PIGH: variants seen among roughly 807,000 people sequenced by gnomAD.
The protein encoded by PIGH is phosphatidylinositol glycan anchor biosynthesis class H.
In PIGH, 11 loss-of-function variants were observed where a neutral mutation model predicts 20.1. The ratio of observed to expected loss-of-function variants is 0.55; its 90% confidence interval spans 0.34 to 0.91. The LOEUF (loss-of-function observed/expected upper bound fraction) is 0.91. Ranked by LOEUF, PIGH falls within the 40% of genes least tolerant of loss-of-function variation. The pLI, the probability that PIGH is intolerant of heterozygous loss-of-function variation, is 0.02. For missense variants in PIGH, 189 were observed against 233.6 expected, an observed-to-expected ratio of 0.81 and a Z score of 1.24; for synonymous variants, 72 against 93.1, an observed-to-expected ratio of 0.77 and a Z score of 1.31.
At chr14:67,592,798 AT>A in intron 2 of PIGH, 80 bp from the exon 3 acceptor site, 1 of 926,380 alleles carries the variant, frequency 1.1e-6, no homozygotes, top group South Asian at 1.5e-5. Flanking sequence ...TTATTTATTT[AT>A]TTTTGAGACA....
Position 67,598,259 on chromosome 14 carries a change from G to A in PIGH, c.180+1765C>T, listed in dbSNP as rs78438153. On this transcript the variant is annotated intron_variant, in intron 1 of 3. Coordinates refer to ENST00000216452, the MANE Select transcript of PIGH (RefSeq NM_004569.5). ...GCAGTAGAGTTTAAAGGAAGATGCG[G>A]TCACTGATTCCTCGGGTACTTGATG... Among the ~76,000 whole-genome samples, 888 of 152,290 alleles carry A rather than the reference G, an allele frequency of 5.8e-3. 9 individuals are homozygous for A. Among genetic ancestry groups the A allele is most frequent in the African/African-American group, 0.02 (839 of 41,552 alleles).
intron 2 of PIGH, chr14:67,593,347 C>A: frequency 4.6e-6 from 1 of 215,926 alleles, no homozygotes; most frequent in Non-Finnish European, 9.3e-6. Context: ...AAAAACGAGC[C>A]AAGCATGGTG....
intron 1 of PIGH, among the ~76,000 whole-genome samples, chr14:67,596,607 T>C (rs138671595): frequency 9.2e-4 from 140 of 152,314 alleles, no homozygotes; most frequent in Non-Finnish European, 1.6e-3. Flanking sequence ...TCCTCTAAGC[T>C]GTCTAGGCCC....
Position 67,589,352 on chromosome 14 carries a change from C to T in PIGH, c.*728G>A. On this transcript the variant is annotated 3_prime_UTR_variant, in exon 4 of 4. Transcript: ENST00000216452. Reference sequence around the variant, plus strand: ...TTATTCTTTGTTAACATGAGAGTCCCATGTCTGAAAACCAAAGTCCAATTT... The same window carrying T: ...TTATTCTTTGTTAACATGAGAGTCCTATGTCTGAAAACCAAAGTCCAATTT... 1 of 983,202 alleles carries T rather than the reference C, an allele frequency of 1.0e-6. No individual in the cohort carries two copies. The highest frequency in any genetic ancestry group is 1.2e-6 in the Non-Finnish European group (1 of 827,972). The allele number at this position is 983,202 out of a possible 1,614,324, so 60.9% of individuals were successfully genotyped here. A position where few individuals can be genotyped will look rare whatever the true frequency, so the allele number is the denominator to read the frequency against.
intron 1 of PIGH, among the ~76,000 whole-genome samples, chr14:67,594,364 C>A (rs911807374): frequency 2.0e-5 from 3 of 152,050 alleles, no homozygotes; most frequent in African/African-American, 7.2e-5. Flanking sequence ...ATCGAAAGGA[C>A]CCAGCCGAGT....
At chr14:67,590,564 G>A (rs2036340410) in intron 3 of PIGH, among the ~76,000 whole-genome samples, 1 of 152,128 alleles carries the variant, frequency 6.6e-6, no homozygotes, top group South Asian at 2.1e-4. Context: ...TCACCATGTT[G>A]GCCAGGCTGC....
At chr14:67,596,912 T>C (rs2036486289) in intron 1 of PIGH, among the ~76,000 whole-genome samples, 1 of 152,228 alleles carries the variant, frequency 6.6e-6, no homozygotes, top group African/African-American at 2.4e-5. Flanking sequence ...TTTCCCCTAC[T>C]GTAATAGTTC....
chr14:67,599,685 T>C (rs1483729994), intron 1 of PIGH, among the ~76,000 whole-genome samples: 1 of 152,136 alleles, frequency 6.6e-6, no homozygotes, highest in Admixed American at 6.5e-5. Context: ...CCTTGAACTC[T>C]TGGAATTAAA....
At chr14:67,592,760 C>A (rs202100456) in intron 2 of PIGH, 42 bp from the exon 3 acceptor site, 1 of 1,138,634 alleles carries the variant, frequency 8.8e-7, no homozygotes, top group Non-Finnish European at 1.3e-6. Context: ...AAGTGAAACT[C>A]ATTTTGCATT....
At chr14:67,599,112 T>C (rs1055484897) in intron 1 of PIGH, among the ~76,000 whole-genome samples, 1 of 152,174 alleles carries the variant, frequency 6.6e-6, no homozygotes. Flanking sequence ...AAACACGCTT[T>C]GACAGCAAAA....
intron 1 of PIGH, among the ~76,000 whole-genome samples, chr14:67,596,388 G>A (rs1434302560): frequency 1.5e-5 from 2 of 131,834 alleles, no homozygotes; most frequent in African/African-American, 2.8e-5. Flanking sequence ...CAATCCACCC[G>A]CCTCAGCCTC....
chr14:67,597,660 T>C (rs1594810830), intron 1 of PIGH, among the ~76,000 whole-genome samples: 2 of 151,942 alleles, frequency 1.3e-5, no homozygotes, highest in Non-Finnish European at 2.9e-5. Flanking sequence ...GGAATACAAT[T>C]CAGCCCTGAC....
chr14:67,594,584 CGGAGGT>C (rs2036435673), intron 1 of PIGH, among the ~76,000 whole-genome samples: 1 of 151,180 alleles, frequency 6.6e-6, no homozygotes, highest in Non-Finnish European at 1.5e-5. Flanking sequence ...GAGGCGGAGG[CGGAGGT>C]TGCAGTGAGC....
chr14:67,590,024 A>G lies in PIGH; in HGVS notation c.*56T>C, dbSNP rs2036321759. 6.6e-7 allele frequency: 1 copy of G among 1,507,978 alleles called. No homozygotes were observed. Among genetic ancestry groups the G allele is most frequent in the East Asian group, 2.5e-5 (1 of 40,256 alleles). The allele number at this position is 1,507,978 out of a possible 1,614,324, so 93.4% of individuals were successfully genotyped here. A position where few individuals can be genotyped will look rare whatever the true frequency, so the allele number is the denominator to read the frequency against. On this transcript the variant is annotated 3_prime_UTR_variant, in exon 4 of 4. Transcript: ENST00000216452. ...TTTGGAGTACGGAAAACCAGCCCCTATGGCTTAAGAGTCATCTCCCATGGA... is the reference window on the plus strand; with the variant it reads ...TTTGGAGTACGGAAAACCAGCCCCTGTGGCTTAAGAGTCATCTCCCATGGA...
intron 1 of PIGH, among the ~76,000 whole-genome samples, chr14:67,595,752 G>C (rs2036461143): frequency 1.2e-5 from 1 of 82,406 alleles, no homozygotes; most frequent in Non-Finnish European, 3.1e-5. Context: ...AGGACAACTA[G>C]AGGACGCTAA....
chr14:67,592,946 C>T (rs755476538), intron 2 of PIGH, among the ~76,000 whole-genome samples: 9 of 151,998 alleles, frequency 5.9e-5, no homozygotes, highest in Admixed American at 5.9e-4. Flanking sequence ...CCACCATGCC[C>T]GGCTAATTTT....
At chr14:67,595,641 G>A (rs1374053848) in intron 1 of PIGH, among the ~76,000 whole-genome samples, 2 of 152,198 alleles carry the variant, frequency 1.3e-5, no homozygotes, top group African/African-American at 2.4e-5. Context: ...GAAAACTTGA[G>A]TTTATCTTTA....
chr14:67,597,120 A>G (rs1353819296), intron 1 of PIGH, among the ~76,000 whole-genome samples: 1 of 152,250 alleles, frequency 6.6e-6, no homozygotes, highest in Non-Finnish European at 1.5e-5. Flanking sequence ...TTGTAGAAAG[A>G]AAGAAAAGAA....
At position 67,589,712 on chromosome 14, in the gene PIGH, T is replaced by C; in HGVS notation, c.*368A>G. ...GGGGTACTATTGGAAAATATAGCTT[T>C]CTCAAGACATCTGATGTCAGTTTCC... On this transcript the variant is annotated 3_prime_UTR_variant, in exon 4 of 4. Coordinates refer to ENST00000216452, the MANE Select transcript of PIGH (RefSeq NM_004569.5). 1 of 1,002,206 alleles carries C rather than the reference T, an allele frequency of 1.0e-6. No individual in the cohort carries two copies. Among genetic ancestry groups the C allele is most frequent in the Non-Finnish European group, 1.2e-6 (1 of 840,618 alleles). The allele number at this position is 1,002,206 out of a possible 1,614,324, so 62.1% of individuals were successfully genotyped here.
Sources: allele counts gnomAD v4.1 joint callset (sites outside exome capture counted in the v4.1 genomes callset), GRCh38; gene constraint gnomAD v4.1.1; transcripts MANE v1.5; gene names NCBI Gene and HGNC (gene_info 2026-07-23, HGNC 2026-07-21).